Variants in TTC6 observed in about 807,000 individuals in gnomAD.
TTC6 encodes the protein tetratricopeptide repeat protein 6.
TTC6 carries 172 observed loss-of-function variants against 210.4 expected under a neutral mutation model. That is an observed-to-expected ratio of 0.82 (90% CI 0.72 to 0.93). The LOEUF (loss-of-function observed/expected upper bound fraction) is 0.93. Among genes scored for constraint, TTC6 ranks in the 40% least tolerant of loss-of-function variants. TTC6 has a pLI of 0.00. For missense variants in TTC6, 2,414 were observed against 2,318.1 expected, an observed-to-expected ratio of 1.04 and a Z score of -0.85; for synonymous variants, 804 against 819.6, an observed-to-expected ratio of 0.98 and a Z score of 0.32.
intron 2 of TTC6, among the ~76,000 whole-genome samples, chr14:37,614,247 T>C (rs1391765842): frequency 6.6e-6 from 1 of 152,182 alleles, no homozygotes; most frequent in Non-Finnish European, 1.5e-5. Context: ...CTCTTTGTAT[T>C]ACTTTAAAAA....
intron 16 of TTC6, among the ~76,000 whole-genome samples, chr14:37,791,222 A>G (rs1159687455): frequency 6.6e-6 from 1 of 152,120 alleles, no homozygotes; most frequent in East Asian, 1.9e-4. Context: ...TATGATTGCT[A>G]TGGACAGGAT....
rs367647815 is a variant in TTC6, at chr14:37,600,533, G to A, written c.-235+4525G>A. 1.3e-3 allele frequency among the ~76,000 whole-genome samples: 197 copies of A among 152,098 alleles called. 3 individuals are homozygous for A. The highest frequency in any genetic ancestry group is 4.5e-3 in the African/African-American group (185 of 41,492). Reference sequence around the variant, plus strand: ...CCAGGAGCTTTCCCACGGTCTTTCAGTTGTCCCTGGTGGTTTAGCTTTGGC... The same window carrying A: ...CCAGGAGCTTTCCCACGGTCTTTCAATTGTCCCTGGTGGTTTAGCTTTGGC... On this transcript the variant is annotated intron_variant, in intron 1 of 2. Transcript: ENST00000556845.
intron 14 of TTC6, among the ~76,000 whole-genome samples, chr14:37,780,326 G>A (rs1200476943): frequency 6.6e-6 from 1 of 152,120 alleles, no homozygotes; most frequent in East Asian, 1.9e-4. Flanking sequence ...TTAGTGGTTT[G>A]ACACACAGAT....
chr14:37,738,838 T>A, exon 10 of TTC6: 1 of 1,532,118 alleles, frequency 6.5e-7, no homozygotes, highest in Non-Finnish European at 8.7e-7. Flanking sequence ...AAATCAAGAA[T>A]GATATGCAAA....
At chr14:37,617,503 T>C (rs1039994387), upstream of TTC6, among the ~76,000 whole-genome samples, 1 of 152,196 alleles carries the variant, frequency 6.6e-6, no homozygotes, top group African/African-American at 2.4e-5. Flanking sequence ...AAGTGGTTTT[T>C]ACTATTATTG....
At chr14:37,791,456 GA>G (rs2139335665) in intron 16 of TTC6, among the ~76,000 whole-genome samples, 1 of 152,222 alleles carries the variant, frequency 6.6e-6, no homozygotes, top group Non-Finnish European at 1.5e-5. Context: ...GTGTCAGAAA[GA>G]GTAACTAATC....
At chr14:37,671,280 A>G (rs2095757640) in intron 1 of TTC6, among the ~76,000 whole-genome samples, 1 of 152,174 alleles carries the variant, frequency 6.6e-6, no homozygotes, top group Non-Finnish European at 1.5e-5. Flanking sequence ...TGAGTGATCC[A>G]GAGAGGGCAA....
chr14:37,701,413 C>A, exon 5 of TTC6: 1 of 1,532,978 alleles, frequency 6.5e-7, no homozygotes, highest in South Asian at 1.2e-5. Flanking sequence ...TTGACTTGCG[C>A]CTGGCTTCTC....
chr14:37,680,333 A>C lies in TTC6; in HGVS notation c.1050+72A>C. ...CATGCTTCCTGTTGCTTGAATGTTT[A>C]TATAGAGAGTTAAAAAAATTTCTCT... On this transcript the variant is annotated intron_variant, in intron 2 of 30. Coordinates refer to ENST00000553443, the Ensembl canonical transcript of TTC6. 3.0e-6 allele frequency: 3 copies of C among 999,394 alleles called. No homozygotes were observed. The South Asian group carries it at 4.9e-5, about 16-fold the overall frequency. 61.9% of individuals were successfully genotyped at this position (999,394 alleles called of 1,614,324 possible).
At chr14:37,827,581 AT>A (rs763183146) in intron 29 of TTC6, among the ~76,000 whole-genome samples, 12 of 152,034 alleles carry the variant, frequency 7.9e-5, no homozygotes, top group African/African-American at 2.4e-4. Context: ...ACTTGTAAAC[AT>A]TTTTTTCTTT....
At chr14:37,599,804 G>A (rs2095611884) in intron 1 of TTC6, among the ~76,000 whole-genome samples, 1 of 152,208 alleles carries the variant, frequency 6.6e-6, no homozygotes, top group African/African-American at 2.4e-5. Context: ...CGCGGAAACG[G>A]GAACAAACCT....
rs145929325 is a variant in TTC6, at chr14:37,644,555, G to A, written c.939+21552G>A. 3.6e-3 allele frequency among the ~76,000 whole-genome samples: 544 copies of A among 152,334 alleles called. 4 individuals carry two copies. Among genetic ancestry groups the A allele is most frequent in the African/African-American group, 0.013 (523 of 41,574 alleles). The stretch of plus-strand genomic sequence containing the variant: ...AAAAATGAAATCACTATCCTTGGCA[G>A]CCATATGCCAAGGTTCACATTCTAT... On this transcript the variant is annotated intron_variant, in intron 1 of 30. Coordinates refer to ENST00000553443, the Ensembl canonical transcript of TTC6.
intron 25 of TTC6, 71 bp from the exon 28 acceptor site, chr14:37,817,507 T>G: frequency 1.5e-6 from 2 of 1,345,318 alleles, no homozygotes; most frequent in South Asian, 1.2e-5. Flanking sequence ...GGAATCACAG[T>G]TAGAAGGAAG....
At chr14:37,826,485 GTGA>G in intron 28 of TTC6, 138 bp downstream of exon 30, 2 of 809,776 alleles carry the variant, frequency 2.5e-6, no homozygotes, top group Non-Finnish European at 3.5e-6. Flanking sequence ...TTTAACCCAA[GTGA>G]TCCCTAGGGT....
chr14:37,841,384 C>T, intron 29 of TTC6, 61 bp from the exon 32 acceptor site: 2 of 1,421,704 alleles, frequency 1.4e-6, no homozygotes, highest in East Asian at 2.4e-5. Flanking sequence ...AGTAAAAGTG[C>T]TTCAAATTTC....
At chr14:37,689,946 G>A (rs1220455989) in intron 3 of TTC6, among the ~76,000 whole-genome samples, 1 of 152,062 alleles carries the variant, frequency 6.6e-6, no homozygotes, top group South Asian at 2.1e-4. Flanking sequence ...AATGTGGTGT[G>A]TAAACTTAAA....
chr14:37,609,298 TC>T (rs2095630486), intron 2 of TTC6, among the ~76,000 whole-genome samples: 1 of 152,050 alleles, frequency 6.6e-6, no homozygotes, highest in African/African-American at 2.4e-5. Context: ...CTCCTGTAGT[TC>T]CCGCTACTTG....
In TTC6 at chr14:37,796,320, A is replaced by G. The variant is rs557135658; in HGVS notation, c.3818A>G (p.Tyr1273Cys). The G allele has an allele frequency of 8.5e-6, 11 of 1,290,486 alleles. No individual in the cohort carries two copies. In the African/African-American group the frequency reaches 1.5e-4, roughly 17 times the overall value. The allele number at this position is 1,290,486 out of a possible 1,614,324, so 79.9% of individuals were successfully genotyped here. Residue 1273 changes from tyrosine to cysteine, a missense_variant, in exon 19 of 31, where the codon TAT becomes TGT. Coordinates refer to ENST00000553443, the Ensembl canonical transcript of TTC6. ...GGACAATATCTTCTTATGATGAAATATTATGATCTTGCAAAGTTTACTATT... is the reference window on the plus strand; with the variant it reads ...GGACAATATCTTCTTATGATGAAATGTTATGATCTTGCAAAGTTTACTATT...
intron 14 of TTC6, among the ~76,000 whole-genome samples, chr14:37,759,123 C>T (rs1419681227): frequency 2.0e-5 from 3 of 151,740 alleles, no homozygotes; most frequent in South Asian, 2.1e-4. Context: ...ATTAGCCAGG[C>T]GTGGTGGCAT....
Sources: allele counts gnomAD v4.1 joint callset (sites outside exome capture counted in the v4.1 genomes callset), GRCh38; gene constraint gnomAD v4.1.1; transcripts MANE v1.5; gene names NCBI Gene and HGNC (gene_info 2026-07-23, HGNC 2026-07-21).